The following TENM2 variants were observed in gnomAD, a reference collection of about 807,000 sequenced individuals.
TENM2 encodes the protein teneurin-2.
A neutral mutation model predicts 245.2 loss-of-function variants in TENM2; 52 were observed. The ratio of observed to expected loss-of-function variants is 0.21; its 90% CI spans 0.17 to 0.27. The LOEUF (loss-of-function observed/expected upper bound fraction) is 0.27. TENM2 is among the 10% of genes least tolerant of loss of function. TENM2 has a pLI of 1.00. For missense variants in TENM2, 3,046 were observed against 3,666.8 expected (o/e 0.83, Z 4.37); for synonymous variants, 1,363 against 1,438.9 (o/e 0.95, Z 1.19).
chr5:167,349,755 A>C (rs1241418624), intron 1 of TENM2, among the ~76,000 whole-genome samples: 1 of 152,130 alleles, frequency 6.6e-6, no homozygotes, highest in African/African-American at 2.4e-5. Flanking sequence ...GATGCCTAAC[A>C]GTGTTCTGAT....
chr5:167,452,947 A>ATATATATATATTT lies in TENM2; in HGVS notation c.502+77485_502+77486insTTTATATATATAT, dbSNP rs1358346964. 2.2e-3 allele frequency among the ~76,000 whole-genome samples: 24 copies of ATATATATATATTT among 10,898 alleles called. 1 individual carries two copies. Among genetic ancestry groups the ATATATATATATTT allele is most frequent in the Non-Finnish European group, 5.5e-3 (22 of 4,026 alleles). The allele number at this position is 10,898 out of a possible 152,430, so 7.1% of individuals were successfully genotyped here. A position where few individuals can be genotyped will look rare whatever the true frequency, so the allele number is the denominator to read the frequency against. On this transcript the variant is annotated intron_variant, in intron 2 of 28. Coordinates refer to ENST00000518659, the Ensembl canonical transcript of TENM2. ...AAGTATGATTTATATATATATATATATATATATATATATATTTAAAAAAAA... is the reference window on the plus strand; with the variant it reads ...AAGTATGATTTATATATATATATATATATATATATATTTTATATATATATATATTTAAAAAAAA...
chr5:167,885,426 A>C (rs1774204213), intron 3 of TENM2, among the ~76,000 whole-genome samples: 1 of 152,126 alleles, frequency 6.6e-6, no homozygotes, highest in South Asian at 2.1e-4. Flanking sequence ...CTGGGAACAG[A>C]CCTGACAATA....
intron 2 of TENM2, among the ~76,000 whole-genome samples, chr5:167,794,816 T>A (rs1411805998): frequency 2.6e-5 from 4 of 152,224 alleles, no homozygotes; most frequent in Non-Finnish European, 5.9e-5. Flanking sequence ...TATGGTTTCC[T>A]GGATTGCATC....
intron 2 of TENM2, among the ~76,000 whole-genome samples, chr5:167,438,351 CAT>C (rs796732021): frequency 6.6e-5 from 10 of 152,310 alleles, no homozygotes; most frequent in African/African-American, 2.4e-4. Flanking sequence ...ACTTCACAGA[CAT>C]ATACACAAAA....
At chr5:167,476,481 T>G (rs1291376439) in intron 2 of TENM2, among the ~76,000 whole-genome samples, 1 of 152,234 alleles carries the variant, frequency 6.6e-6, no homozygotes, top group African/African-American at 2.4e-5. Flanking sequence ...GGTCTTGAAG[T>G]GTTGGGAAAC....
intron 5 of TENM2, among the ~76,000 whole-genome samples, chr5:168,021,312 T>G (rs949613305): frequency 6.6e-6 from 1 of 152,232 alleles, no homozygotes; most frequent in African/African-American, 2.4e-5. Flanking sequence ...AAACATGTAC[T>G]GGATAACTAA....
chr5:167,790,720 C>T (rs565902081), intron 2 of TENM2, among the ~76,000 whole-genome samples: 3 of 152,178 alleles, frequency 2.0e-5, no homozygotes, highest in African/African-American at 7.2e-5. Flanking sequence ...AAAGAGGAGG[C>T]GCTCAGTTTC....
At chr5:167,279,815 G>T (rs1770948195), upstream of TENM2, among the ~76,000 whole-genome samples, 1 of 152,044 alleles carries the variant, frequency 6.6e-6, no homozygotes, top group African/African-American at 2.4e-5. Context: ...TTTCAAGTGT[G>T]CCCATAATTG....
chr5:167,436,807 A>G (rs915014833), intron 2 of TENM2, among the ~76,000 whole-genome samples: 4 of 152,152 alleles, frequency 2.6e-5, no homozygotes, highest in Non-Finnish European at 5.9e-5. Flanking sequence ...GGAGGGTGAA[A>G]GCCTTAAGCC....
chr5:167,003,036 A>G, the TENM2 span, among the ~76,000 whole-genome samples: 113 of 152,014 alleles, frequency 7.4e-4, no homozygotes, highest in Non-Finnish European at 1.5e-3. Flanking sequence ...AGTTAATTTC[A>G]TGCAGATCTT....
chr5:168,199,099 C>A, exon 16 of TENM2: 1 of 1,612,006 alleles, frequency 6.2e-7, no homozygotes, highest in Non-Finnish European at 8.5e-7. Flanking sequence ...AGAATCCCAT[C>A]GTGCCTGAGA....
In TENM2 at chr5:168,247,713, G is replaced by C; in HGVS notation, c.6774G>C (p.Gly2258=). 6.2e-7 allele frequency: 1 copy of C among 1,613,866 alleles called. No homozygotes were observed. The highest frequency in any genetic ancestry group is 8.5e-7 in the Non-Finnish European group (1 of 1,179,902). The change falls in exon 27 of 29, where the codon GGG becomes GGC. Residue 2258 remains glycine (G), a synonymous_variant. Transcript: ENST00000518659. This position sits in a 1 kb window ranked among gnomAD's most constrained non-coding sequence, Gnocchi z 7.8. ...TCCGGGATCGGATAACCAGACTCGG[G>C]GATGTGCAGTACAAAATTGACGACG...
the TENM2 span, among the ~76,000 whole-genome samples, chr5:167,279,751 A>T: frequency 6.6e-6 from 1 of 151,680 alleles, no homozygotes; most frequent in Non-Finnish European, 1.5e-5. Flanking sequence ...TACATCTTCT[A>T]TTTGGTTCCT....
intron 24 of TENM2, among the ~76,000 whole-genome samples, 182 bp downstream of exon 26, chr5:168,226,445 T>TAATC (rs1453297134): frequency 6.6e-6 from 1 of 152,166 alleles, no homozygotes; most frequent in African/African-American, 2.4e-5. Context: ...GAAAATGACT[T>TAATC]AATCAGATAG....
the TENM2 span, among the ~76,000 whole-genome samples, chr5:167,048,422 C>T: frequency 5.3e-5 from 8 of 152,074 alleles, no homozygotes; most frequent in African/African-American, 1.9e-4. Flanking sequence ...AAATGAAACT[C>T]ATGATTTCAG....
the TENM2 span, among the ~76,000 whole-genome samples, chr5:167,060,048 T>C: frequency 6.6e-6 from 1 of 152,204 alleles, no homozygotes. Context: ...GAACTTGTTT[T>C]AATTCATAAA....
intron 2 of TENM2, among the ~76,000 whole-genome samples, chr5:167,832,674 G>A (rs1226092704): frequency 6.6e-6 from 1 of 151,898 alleles, no homozygotes; most frequent in African/African-American, 2.4e-5. Flanking sequence ...AAGAAGAAAA[G>A]TAAAAGAGGA....
chr5:167,044,309 T>A, the TENM2 span, among the ~76,000 whole-genome samples: 1 of 152,102 alleles, frequency 6.6e-6, no homozygotes, highest in Non-Finnish European at 1.5e-5. Context: ...GTATGATGGC[T>A]CCAGCATCTT....
At chr5:167,341,151 C>T (rs555306762) in intron 1 of TENM2, among the ~76,000 whole-genome samples, 21 of 152,270 alleles carry the variant, frequency 1.4e-4, no homozygotes, top group East Asian at 5.8e-4. Flanking sequence ...AAGTGACAGG[C>T]GTGCCACCGT....
Sources: allele counts gnomAD v4.1 joint callset (sites outside exome capture counted in the v4.1 genomes callset), GRCh38; gene constraint gnomAD v4.1.1; non-coding constraint Gnocchi (gnomAD v3.1); transcripts MANE v1.5; gene names NCBI Gene and HGNC (gene_info 2026-07-23, HGNC 2026-07-21).